The following CACNA1D variants were observed in gnomAD, a reference collection of about 807,000 sequenced individuals.
CACNA1D encodes calcium voltage-gated channel subunit alpha1 D.
CACNA1D carries 55 observed loss-of-function variants against 257.1 expected under a neutral mutation model. That is an observed-to-expected ratio of 0.21 (90% confidence interval 0.17 to 0.27). CACNA1D has a LOEUF of 0.27. Ranked by LOEUF, CACNA1D falls within the 10% of genes least tolerant of loss-of-function variation. CACNA1D has a pLI of 1.00. For missense variants in CACNA1D, 1,876 were observed against 2,784.0 expected, an observed-to-expected ratio of 0.67 and a Z score of 7.34; for synonymous variants, 980 against 1,014.9, an observed-to-expected ratio of 0.97 and a Z score of 0.65.
chr3:53,527,442 T>G (rs1227366383), intron 3 of CACNA1D, among the ~76,000 whole-genome samples: 1 of 152,260 alleles, frequency 6.6e-6, no homozygotes, highest in Non-Finnish European at 1.5e-5. Context: ...CTCAAACCTT[T>G]CCTGCTATTA....
At position 53,805,046 on chromosome 3, in the gene CACNA1D, CTACCATCAT is replaced by C. The variant is rs762922776; in HGVS notation, c.5650_5658del (p.Tyr1884_His1886del). ...ACATCGACTCTGAGAGGCCCCGAGGCTACCATCATCCCCAAGGATTCTTGGAGGACGATG... is the reference window on the plus strand; with the variant it reads ...ACATCGACTCTGAGAGGCCCCGAGGCCCCCAAGGATTCTTGGAGGACGATG... On this transcript the variant is annotated inframe_deletion, in exon 45 of 48. Coordinates refer to ENST00000350061, the MANE Select transcript of CACNA1D (RefSeq NM_001128840.3). 3.1e-6 allele frequency: 5 copies of C among 1,614,110 alleles called. No individual in the cohort carries two copies. In the South Asian group the frequency reaches 5.5e-5, roughly 18 times the overall value.
chr3:53,621,799 G>C (rs1026473444), intron 3 of CACNA1D, among the ~76,000 whole-genome samples: 3 of 152,126 alleles, frequency 2.0e-5, no homozygotes, highest in South Asian at 4.2e-4. Context: ...TTTTTAAATG[G>C]GCAGAAAATT....
At chr3:53,760,463 A>G (rs1218452702) in intron 29 of CACNA1D, among the ~76,000 whole-genome samples, 2 of 152,156 alleles carry the variant, frequency 1.3e-5, no homozygotes, top group East Asian at 3.8e-4. Flanking sequence ...CATTTTATAT[A>G]ATATGTACCT....
In CACNA1D at chr3:53,673,169, C is replaced by A; in HGVS notation, c.1220+43C>A. On this transcript the variant is annotated intron_variant, in intron 8 of 47. Coordinates refer to ENST00000350061, the MANE Select transcript of CACNA1D (RefSeq NM_001128840.3). The surrounding 1 kb of genome is among the most constrained non-coding windows in gnomAD (Gnocchi z 4.1). ...CATCTTGAAAGCAGAGTCCTGAGGACAGTTGCCAAGACCACACAAGCTTTG... is the reference window on the plus strand; with the variant it reads ...CATCTTGAAAGCAGAGTCCTGAGGAAAGTTGCCAAGACCACACAAGCTTTG... 1 of 1,371,002 alleles carries A rather than the reference C, an allele frequency of 7.3e-7. No individual in the cohort carries two copies. The highest frequency in any genetic ancestry group is 1.0e-6 in the Non-Finnish European group (1 of 983,204). The allele number at this position is 1,371,002 out of a possible 1,614,324, so 84.9% of individuals were successfully genotyped here.
Position 53,776,257 on chromosome 3 carries a change from G to T in CACNA1D, c.4362+212G>T, listed in dbSNP as rs41276451. On this transcript the variant is annotated intron_variant, in intron 35 of 47. Transcript: ENST00000350061. Reference sequence around the variant, plus strand: ...GCAGAGATTTGGTGCTCACTAATCGGCTTGGAGCAATTACCAATCACCTTA... The same window carrying T: ...GCAGAGATTTGGTGCTCACTAATCGTCTTGGAGCAATTACCAATCACCTTA... Among the ~76,000 whole-genome samples the T allele has an allele frequency of 4.4e-3, 669 of 152,302 alleles. 6 individuals carry two copies. The highest frequency in any genetic ancestry group is 0.014 in the Middle Eastern group (4 of 294).
Position 53,666,372 on chromosome 3 carries a change from C to G in CACNA1D, c.953C>G (p.Ala318Gly). The G allele has an allele frequency of 6.2e-7, 1 of 1,614,144 alleles. No homozygotes were observed. The highest frequency in any genetic ancestry group is 8.5e-7 in the Non-Finnish European group (1 of 1,180,016). ...IVAEEDPAPC[A>G]FSGNGRQCTA... ...GCTGAAGAGGACCCAGCTCCATGTG[C>G]GTTCTCAGGGAATGGACGCCAGTGT... Residue 318 changes from alanine to glycine, a missense_variant, in exon 7 of 48, where the codon GCG becomes GGG. Ala to Gly is a moderately conservative substitution (Grantham distance 60, BLOSUM62 0). Transcript: ENST00000350061.
At chr3:53,720,890 A>G (rs918846441) in intron 11 of CACNA1D, among the ~76,000 whole-genome samples, 13 of 152,260 alleles carry the variant, frequency 8.5e-5, no homozygotes, top group Admixed American at 6.5e-4. Flanking sequence ...TGGCCCAGCC[A>G]TCCCACTTCT....
At chr3:53,763,681 C>T (rs939062789) in intron 30 of CACNA1D, among the ~76,000 whole-genome samples, 1 of 152,176 alleles carries the variant, frequency 6.6e-6, no homozygotes, top group Non-Finnish European at 1.5e-5. Context: ...TCCTGGTGCC[C>T]AGACAGCCTG....
chr3:53,512,747 C>T (rs1327433165), intron 3 of CACNA1D, among the ~76,000 whole-genome samples: 3 of 152,168 alleles, frequency 2.0e-5, no homozygotes, highest in Non-Finnish European at 4.4e-5. Flanking sequence ...AAAAGATTGT[C>T]TCTTTAAAGC....
At chr3:53,618,549 C>T (rs188614546) in intron 3 of CACNA1D, among the ~76,000 whole-genome samples, 3 of 152,356 alleles carry the variant, frequency 2.0e-5, no homozygotes, top group Admixed American at 6.5e-5. Flanking sequence ...GAGCCCCACA[C>T]TCACACTGCA....
chr3:53,680,137 C>A (rs1227716313), intron 8 of CACNA1D, among the ~76,000 whole-genome samples: 1 of 152,192 alleles, frequency 6.6e-6, no homozygotes, highest in African/African-American at 2.4e-5. Context: ...GGTAACCTCT[C>A]TGCCGCTGGC....
At chr3:53,655,859 A>G (rs553911470) in intron 4 of CACNA1D, among the ~76,000 whole-genome samples, 6 of 152,254 alleles carry the variant, frequency 3.9e-5, no homozygotes, top group Non-Finnish European at 5.9e-5. Context: ...GCTCATTCCT[A>G]TGTCCAGAAT....
At chr3:53,680,317 T>C (rs2108458730) in intron 8 of CACNA1D, among the ~76,000 whole-genome samples, 1 of 152,224 alleles carries the variant, frequency 6.6e-6, no homozygotes, top group Admixed American at 6.5e-5. Flanking sequence ...ACTTGTCAGC[T>C]GTGGCTATCA....
intron 8 of CACNA1D, among the ~76,000 whole-genome samples, chr3:53,688,364 C>G (rs540751414): frequency 1.3e-5 from 2 of 152,334 alleles, no homozygotes; most frequent in East Asian, 3.9e-4. Context: ...TGTGCTTGCT[C>G]TGTACTTACA....
chr3:53,788,106 AGAATAT>A (rs377518395), intron 40 of CACNA1D, among the ~76,000 whole-genome samples: 155 of 152,240 alleles, frequency 1.0e-3, no homozygotes, highest in Non-Finnish European at 1.5e-3. Context: ...GCTGAGAGAG[AGAATAT>A]GAATATGAAT....
At chr3:53,692,238 A>G (rs1187738496) in intron 8 of CACNA1D, among the ~76,000 whole-genome samples, 1 of 152,064 alleles carries the variant, frequency 6.6e-6, no homozygotes, top group Non-Finnish European at 1.5e-5. Context: ...GTTAAAGAAA[A>G]TAGTGAAAAA....
At chr3:53,532,912 G>A (rs1463357691) in intron 3 of CACNA1D, among the ~76,000 whole-genome samples, 1 of 152,130 alleles carries the variant, frequency 6.6e-6, no homozygotes, top group Non-Finnish European at 1.5e-5. Context: ...GTCAGGCTCC[G>A]GGACCCCTGA....
At chr3:53,577,518 T>C (rs997891175) in intron 3 of CACNA1D, among the ~76,000 whole-genome samples, 11 of 152,132 alleles carry the variant, frequency 7.2e-5, no homozygotes, top group African/African-American at 2.7e-4. Flanking sequence ...TCTAAGTGCT[T>C]GGCATGGGGC....
intron 3 of CACNA1D, among the ~76,000 whole-genome samples, chr3:53,550,995 G>T (rs1036258993): frequency 1.3e-5 from 2 of 152,118 alleles, no homozygotes; most frequent in Non-Finnish European, 2.9e-5. Flanking sequence ...AGTGATTAAG[G>T]CCTAACTGTT....
Sources: gnomAD v4.1 joint callset for allele counts (sites outside exome capture counted in the v4.1 genomes callset) on GRCh38, gnomAD v4.1.1 for gene constraint, Gnocchi (gnomAD v3.1) non-coding constraint, MANE v1.5 for transcripts, NCBI Gene and HGNC (gene_info 2026-07-23, HGNC 2026-07-21) for gene names.